The following SLCO4A1 variants were observed in gnomAD, a reference collection of about 807,000 sequenced individuals.
SLCO4A1 encodes the protein solute carrier organic anion transporter family member 4A1, also known as colon organic anion transporter.
In SLCO4A1, 51 loss-of-function variants were observed where a neutral mutation model predicts 64.6. The ratio of observed to expected loss-of-function variants is 0.79; its 90% confidence interval spans 0.63 to 1.00. The LOEUF (loss-of-function observed/expected upper bound fraction) is 1.00. Among genes scored for constraint, SLCO4A1 ranks in the 50% least tolerant of loss-of-function variants. The pLI is 0.00. For missense variants in SLCO4A1, 919 were observed against 980.5 expected (o/e 0.94, Z 0.84); for synonymous variants, 471 against 444.9 (o/e 1.06, Z -0.74).
Position 62,656,773 on chromosome 20 carries a change from T to A in SLCO4A1, c.319T>A (p.Phe107Ile), listed in dbSNP as rs760330422. Residue 107 changes from phenylalanine (F) to isoleucine (I), a missense_variant, in exon 2 of 12, where the codon TTC (phenylalanine) becomes ATC (isoleucine). Phe to Ile is a conservative substitution (Grantham distance 21). Transcript: ENST00000217159. ...CCTCAACACGCCCAAGGGCATCCTG[T>A]TCTTCCTGTGTGCGGCCGCATTCCT... ...QVLNTPKGIL[F>I]FLCAAAFLQG... is the part of the protein sequence containing the mutation. 3.1e-6 allele frequency: 5 copies of A among 1,612,666 alleles called. No homozygotes were observed. In the African/African-American group the frequency reaches 6.7e-5, roughly 22 times the overall value.
In SLCO4A1 at chr20:62,661,909, G is replaced by A. The variant is rs1985014633; in HGVS notation, c.1121+734G>A. On this transcript the variant is annotated intron_variant, in intron 5 of 11. Transcript: ENST00000217159. The surrounding 1 kb of genome is among the most constrained non-coding windows in gnomAD (Gnocchi z 5.2). ...CCTCCCGGCCTCTCCTGGGGATCAT[G>A]CCTTCCCTGGGGGGCTCTCCCCAGG... 6.6e-6 allele frequency among the ~76,000 whole-genome samples: 1 copy of A among 152,082 alleles called. No homozygotes were observed. Among genetic ancestry groups the A allele is most frequent in the Non-Finnish European group, 1.5e-5 (1 of 67,986 alleles).
At chr20:62,677,170 G>A (rs1987634333), downstream of SLCO4A1, among the ~76,000 whole-genome samples, 3 of 152,240 alleles carry the variant, frequency 2.0e-5, no homozygotes, top group Middle Eastern at 3.2e-3. Flanking sequence ...CATGGGTGCA[G>A]GGCGTTTTGG....
At chr20:62,688,149 G>A (rs559480550), downstream of SLCO4A1, among the ~76,000 whole-genome samples, 15 of 152,230 alleles carry the variant, frequency 9.9e-5, no homozygotes, top group East Asian at 3.9e-4. Flanking sequence ...CACATACATA[G>A]AAGGGGCTGA....
intron 6 of SLCO4A1, 127 bp from the exon 7 acceptor site, chr20:62,666,253 T>G (rs1220559497): frequency 1.4e-6 from 1 of 734,352 alleles, no homozygotes; most frequent in Non-Finnish European, 2.3e-6. Context: ...AGTGCTGCCA[T>G]GCAGGCAGGA....
chr20:62,660,595 G>A, intron 4 of SLCO4A1, 62 bp downstream of exon 4: 1 of 1,567,498 alleles, frequency 6.4e-7, no homozygotes, highest in East Asian at 2.2e-5. Context: ...TCTTCGCGAA[G>A]GGGGCACCCC....
Position 62,657,105 on chromosome 20 carries a change from G to C in SLCO4A1, c.651G>C (p.Ala217=), listed in dbSNP as rs745615461. 6.3e-7 allele frequency: 1 copy of C among 1,593,982 alleles called. No individual in the cohort carries two copies. Among genetic ancestry groups the C allele is most frequent in the Non-Finnish European group, 8.5e-7 (1 of 1,172,476 alleles). ...CTGCCAACCCCGGCGCGGTGTGTGCGGACAGCACCTCGGGCCTGTCCCGCT... is the reference window on the plus strand; with the variant it reads ...CTGCCAACCCCGGCGCGGTGTGTGCCGACAGCACCTCGGGCCTGTCCCGCT... ...TCPANPGAVC[A]DSTSGLSRYQ... is the part of the protein sequence containing the mutation. Residue 217 remains alanine, a synonymous_variant, in exon 2 of 12, where the codon GCG becomes GCC. Transcript: ENST00000217159.
intron 11 of SLCO4A1, chr20:62,669,807 A>G (rs1223399328): frequency 6.6e-6 from 1 of 152,206 alleles, no homozygotes; most frequent in East Asian, 1.9e-4. Context: ...GAGAAAGGGA[A>G]GGAGCCCAGC....
At chr20:62,668,783 C>T (rs886178873) in intron 10 of SLCO4A1, 147 bp from the exon 11 acceptor site, 6 of 853,896 alleles carry the variant, frequency 7.0e-6, no homozygotes, top group Non-Finnish European at 1.1e-5. Flanking sequence ...AAGAAAGGAA[C>T]GTTTAAGCCC....
intron 11 of SLCO4A1, among the ~76,000 whole-genome samples, chr20:62,670,875 T>C (rs1202224324): frequency 6.6e-6 from 1 of 152,230 alleles, no homozygotes; most frequent in Non-Finnish European, 1.5e-5. Flanking sequence ...CCTCACTCCC[T>C]GAATGCAGGC....
downstream of SLCO4A1, among the ~76,000 whole-genome samples, chr20:62,675,866 G>A (rs1160909448): frequency 2.0e-5 from 3 of 152,306 alleles, no homozygotes; most frequent in Non-Finnish European, 2.9e-5. Context: ...GGAAGGTGCC[G>A]GCCACAGGGC....
intron 11 of SLCO4A1, among the ~76,000 whole-genome samples, chr20:62,671,129 C>G (rs537517967): frequency 8.5e-5 from 13 of 152,224 alleles, no homozygotes; most frequent in Non-Finnish European, 1.9e-4. Context: ...TCAGAACTGC[C>G]CATGATGGTG....
At chr20:62,653,198 G>A (rs898066064) in intron 1 of SLCO4A1, among the ~76,000 whole-genome samples, 6 of 152,174 alleles carry the variant, frequency 3.9e-5, no homozygotes, top group African/African-American at 9.7e-5. Context: ...CGAGACCTCC[G>A]ATTCCACAGA....
In SLCO4A1 at chr20:62,661,040, C is replaced by CCCCCCCCCCCCCCCCCAAA; in HGVS notation, c.1010-23_1010-22insCCCCCCCCCCCCCCCAAAC. 14 of 1,395,910 alleles carry CCCCCCCCCCCCCCCCCAAA rather than the reference C, an allele frequency of 1.0e-5. No homozygotes were observed. Among genetic ancestry groups the CCCCCCCCCCCCCCCCCAAA allele is most frequent in the Non-Finnish European group, 1.4e-5 (14 of 984,514 alleles). 86.5% of individuals were successfully genotyped at this position (1,395,910 alleles called of 1,614,324 possible). ...CTCCGGGAGCCCCCAGCCCCCAGCCCCAGCTCACTCTGTGCCCTTCCAGGC... is the reference window on the plus strand; with the variant it reads ...CTCCGGGAGCCCCCAGCCCCCAGCCCCCCCCCCCCCCCCCCCAAACAGCTCACTCTGTGCCCTTCCAGGC... On this transcript the variant is annotated intron_variant, in intron 4 of 11. Transcript: ENST00000217159. The surrounding 1 kb of genome is among the most constrained non-coding windows in gnomAD (Gnocchi z 5.2).
downstream of SLCO4A1, among the ~76,000 whole-genome samples, chr20:62,675,012 C>T (rs746942997): frequency 5.3e-5 from 8 of 152,276 alleles, no homozygotes; most frequent in South Asian, 1.2e-3. Flanking sequence ...GTTTCGACTC[C>T]GGTCTGGGGG....
At chr20:62,653,280 A>G (rs1377895096) in intron 1 of SLCO4A1, among the ~76,000 whole-genome samples, 1 of 152,120 alleles carries the variant, frequency 6.6e-6, no homozygotes, top group Non-Finnish European at 1.5e-5. Flanking sequence ...TGGGGGCTCA[A>G]TCCTGAGATC....
rs376182840 is a variant in SLCO4A1 at position 62,656,791 on chromosome 20, G to T, written c.337G>T (p.Ala113Ser). The T allele has an allele frequency of 6.2e-7, 1 of 1,612,874 alleles. No homozygotes were observed. Among genetic ancestry groups the T allele is most frequent in the East Asian group, 2.2e-5 (1 of 44,880 alleles). The stretch of plus-strand genomic sequence containing the variant: ...CATCCTGTTCTTCCTGTGTGCGGCC[G>T]CATTCCTGCAGGGGATGACTGTGAA... ...KGILFFLCAA[A>S]FLQGMTVNGF... Residue 113 changes from alanine to serine, a missense_variant, in exon 2 of 12, where the codon GCA becomes TCA. Coordinates refer to ENST00000217159, the MANE Select transcript of SLCO4A1 (RefSeq NM_016354.4).
chr20:62,677,724 G>C (rs1987658438), intron 2 of SLCO4A1, among the ~76,000 whole-genome samples: 1 of 152,274 alleles, frequency 6.6e-6, no homozygotes, highest in Admixed American at 6.5e-5. Flanking sequence ...GATTGGGAGT[G>C]CCTCGTGGCA....
Position 62,661,041 on chromosome 20 carries a change from C to CCCCCCCCCCCCCCCACA in SLCO4A1, c.1010-23_1010-22insCCCCCCCCCCCCCCACA. ...TCCGGGAGCCCCCAGCCCCCAGCCC[C>CCCCCCCCCCCCCCCACA]AGCTCACTCTGTGCCCTTCCAGGCT... On this transcript the variant is annotated intron_variant, in intron 4 of 11. Transcript: ENST00000217159. This position sits in a 1 kb window ranked among gnomAD's most constrained non-coding sequence, Gnocchi z 5.2. 1.1e-5 allele frequency: 16 copies of CCCCCCCCCCCCCCCACA among 1,424,126 alleles called. No individual in the cohort carries two copies. Among genetic ancestry groups the CCCCCCCCCCCCCCCACA allele is most frequent in the Admixed American group, 1.7e-5 (1 of 59,708 alleles). The allele number at this position is 1,424,126 out of a possible 1,614,324, so 88.2% of individuals were successfully genotyped here.
chr20:62,658,380 G>T (rs1410375406), intron 2 of SLCO4A1, among the ~76,000 whole-genome samples: 1 of 152,272 alleles, frequency 6.6e-6, no homozygotes, highest in Non-Finnish European at 1.5e-5. Flanking sequence ...TCCTGCCAGT[G>T]TCCATCTGTG....
Sources: gnomAD v4.1 joint callset for allele counts (sites outside exome capture counted in the v4.1 genomes callset) on GRCh38, gnomAD v4.1.1 for gene constraint, Gnocchi (gnomAD v3.1) non-coding constraint, MANE v1.5 for transcripts, NCBI Gene and HGNC (gene_info 2026-07-23, HGNC 2026-07-21) for gene names.